Variants in ARPC2 observed in about 807,000 individuals in gnomAD.
The protein encoded by ARPC2 is actin related protein 2/3 complex subunit 2.
ARPC2 carries 4 observed loss-of-function variants against 38.6 expected under a neutral mutation model. The ratio of observed to expected loss-of-function variants is 0.10; its 90% CI spans 0.05 to 0.24. The LOEUF (loss-of-function observed/expected upper bound fraction) is 0.24, where lower values mean the gene tolerates loss of function less well. Among genes scored for constraint, ARPC2 ranks in the 10% least tolerant of loss-of-function variants. The probability of loss-of-function intolerance (pLI) is 1.00; values close to 1 mark genes in which losing one functional copy is unlikely to be tolerated. For missense variants in ARPC2, 229 were observed against 387.3 expected, an observed-to-expected ratio of 0.59 and a Z score of 3.43; for synonymous variants, 125 against 140.8, an observed-to-expected ratio of 0.89 and a Z score of 0.79.
Position 218,234,342 on chromosome 2 carries a change from T to G in ARPC2, c.223-10T>G. On this transcript the variant is annotated splice_polypyrimidine_tract_variant and intron_variant, in intron 4 of 10. Transcript: ENST00000315717. ...AACGTATTTGGTTTTGTTTTGTTTT[T>G]ATTTTCTAGTTATTAAAGAGGGTGT... The G allele has an allele frequency of 6.3e-7, 1 of 1,594,502 alleles. No homozygotes were observed. Among genetic ancestry groups the G allele is most frequent in the Non-Finnish European group, 8.6e-7 (1 of 1,166,594 alleles).
At chr2:218,227,457 T>C (rs1396151758) in intron 3 of ARPC2, among the ~76,000 whole-genome samples, 2 of 152,316 alleles carry the variant, frequency 1.3e-5, no homozygotes, top group East Asian at 3.9e-4. Flanking sequence ...TGAGTCTCAC[T>C]CTGTCACCCA....
At chr2:218,247,432 T>C (rs986677455) in intron 8 of ARPC2, among the ~76,000 whole-genome samples, 2 of 152,240 alleles carry the variant, frequency 1.3e-5, no homozygotes, top group African/African-American at 4.8e-5. Context: ...TTATTGGTGA[T>C]GAATCTGTTG....
At chr2:218,229,100 T>C (rs1689572860) in intron 4 of ARPC2, 1 of 324,686 alleles carries the variant, frequency 3.1e-6, no homozygotes, top group Admixed American at 4.8e-5. Context: ...AGAATACTTT[T>C]CCTTGATCAG....
chr2:218,252,809 T>C (rs1690224974), intron 10 of ARPC2: 1 of 436,290 alleles, frequency 2.3e-6, no homozygotes, highest in South Asian at 1.6e-5. Context: ...GTGAGTGCAG[T>C]TGTGTAGCGG....
At chr2:218,246,660 G>A (rs116067583) in intron 8 of ARPC2, among the ~76,000 whole-genome samples, 1,864 of 152,046 alleles carry the variant, frequency 0.012, 41 homozygotes, top group African/African-American at 0.042. Flanking sequence ...GGATAACATG[G>A]TGCAGGCTCA....
Position 218,245,673 on chromosome 2 carries a change from G to T in ARPC2, c.676+127G>T, listed in dbSNP as rs899558501. 7.7e-6 allele frequency: 10 copies of T among 1,304,624 alleles called. No homozygotes were observed. In the African/African-American group the frequency reaches 1.0e-4, roughly 13 times the overall value. 80.8% of individuals were successfully genotyped at this position (1,304,624 alleles called of 1,614,324 possible). ...AACGCAGGCATACCAACTTGTTCCT[G>T]TTGCCATTGCAGTGACTAAAGGAGG... is the stretch of plus-strand genomic sequence containing the variant. On this transcript the variant is annotated intron_variant, in intron 8 of 10. Transcript: ENST00000315717.
intron 5 of ARPC2, among the ~76,000 whole-genome samples, chr2:218,237,892 A>G (rs1269143748): frequency 1.3e-5 from 2 of 152,144 alleles, no homozygotes; most frequent in African/African-American, 4.8e-5. Context: ...ACAAAATGAC[A>G]AGACTAGGAT....
At chr2:218,253,781 T>C in intron 10 of ARPC2, 110 bp from the exon 11 acceptor site, 2 of 1,382,774 alleles carry the variant, frequency 1.4e-6, no homozygotes, top group Non-Finnish European at 2.0e-6. Flanking sequence ...AATCTAGCCC[T>C]TTCCACCTCT....
chr2:218,249,144 T>A (rs1690118711), intron 8 of ARPC2, among the ~76,000 whole-genome samples: 1 of 152,164 alleles, frequency 6.6e-6, no homozygotes, highest in African/African-American at 2.4e-5. Context: ...CAAGCCCTGT[T>A]TTTCATCGTG....
chr2:218,238,120 A>T (rs1157747081), intron 5 of ARPC2, among the ~76,000 whole-genome samples: 1 of 152,228 alleles, frequency 6.6e-6, no homozygotes, highest in Non-Finnish European at 1.5e-5. Flanking sequence ...GGGGAGGTAT[A>T]TGTATGAACA....
At chr2:218,224,924 G>A (rs536562420) in intron 2 of ARPC2, among the ~76,000 whole-genome samples, 6 of 152,336 alleles carry the variant, frequency 3.9e-5, no homozygotes, top group Admixed American at 3.3e-4. Flanking sequence ...AGCAGAGATC[G>A]TGGAAAGATA....
rs969953449 is a variant in ARPC2, at chr2:218,254,270, C to T, written c.*355C>T. 9.5e-6 allele frequency: 2 copies of T among 209,448 alleles called. No individual in the cohort carries two copies. Among genetic ancestry groups the T allele is most frequent in the Non-Finnish European group, 1.9e-5 (2 of 103,832 alleles). The allele number at this position is 209,448 out of a possible 1,614,324, so 13.0% of individuals were successfully genotyped here. ...ATAATGCAGTCATAACTTGTTTTCT[C>T]CTAAGTATTTGAGTTCAAAACTCCT... On this transcript the variant is annotated 3_prime_UTR_variant, in exon 11 of 11. Coordinates refer to ENST00000315717, the MANE Select transcript of ARPC2 (RefSeq NM_152862.3).
intron 5 of ARPC2, among the ~76,000 whole-genome samples, chr2:218,237,538 T>A (rs1390345018): frequency 4.0e-5 from 6 of 150,858 alleles, no homozygotes; most frequent in South Asian, 2.1e-4. Context: ...TTTTTTTTTT[T>A]AACAGATGAG....
At chr2:218,235,987 G>A (rs1435765043) in intron 5 of ARPC2, 1 of 152,164 alleles carries the variant, frequency 6.6e-6, no homozygotes, top group East Asian at 1.9e-4. Flanking sequence ...GTACTCAGGT[G>A]GCTGAAGCAC....
intron 8 of ARPC2, among the ~76,000 whole-genome samples, chr2:218,248,894 A>T (rs540647650): frequency 6.6e-6 from 1 of 152,314 alleles, no homozygotes; most frequent in South Asian, 2.1e-4. Flanking sequence ...CAGTGAGAAT[A>T]TGGGAAATTC....
At chr2:218,222,233 C>G (rs1183118858) in intron 2 of ARPC2, among the ~76,000 whole-genome samples, 1 of 152,042 alleles carries the variant, frequency 6.6e-6, no homozygotes, top group African/African-American at 2.4e-5. Flanking sequence ...CACCACTGCA[C>G]TCCAGCCTGG....
chr2:218,253,797 G>T, intron 10 of ARPC2, 94 bp from the exon 11 acceptor site: 1 of 1,432,052 alleles, frequency 7.0e-7, no homozygotes, highest in Non-Finnish European at 9.5e-7. Context: ...CCTCTCATTT[G>T]GTGTTTCTTT....
chr2:218,218,812 TA>T (rs1689319607), intron 2 of ARPC2, among the ~76,000 whole-genome samples: 1 of 152,246 alleles, frequency 6.6e-6, no homozygotes, highest in African/African-American at 2.4e-5. Flanking sequence ...ATTTTATCTG[TA>T]AAACAAAGCA....
At chr2:218,234,689 A>G (rs1482536830) in intron 5 of ARPC2, 11 of 493,352 alleles carry the variant, frequency 2.2e-5, no homozygotes, top group Middle Eastern at 4.6e-4. Context: ...TTGTTTGTTC[A>G]TGGTGATTAA....
Sources: gnomAD v4.1 joint callset for allele counts (sites outside exome capture counted in the v4.1 genomes callset) on GRCh38, gnomAD v4.1.1 for gene constraint, MANE v1.5 for transcripts, NCBI Gene and HGNC (gene_info 2026-07-23, HGNC 2026-07-21) for gene names.